Variants in STOX2 observed in about 807,000 individuals in gnomAD.
STOX2 encodes storkhead box 2.
In STOX2, 28 loss-of-function variants were observed where a neutral mutation model predicts 60.9. The ratio of observed to expected loss-of-function variants is 0.46; its 90% CI spans 0.34 to 0.63. The LOEUF is 0.63. STOX2 is among the 30% of genes least tolerant of loss of function. The pLI, the probability that STOX2 is intolerant of heterozygous loss-of-function variation, is 0.01. For missense variants in STOX2, 1,024 were observed against 1,187.7 expected, an observed-to-expected ratio of 0.86 and a Z score of 2.03; for synonymous variants, 472 against 463.9, an observed-to-expected ratio of 1.02 and a Z score of -0.22.
At position 183,971,174 on chromosome 4, in the gene STOX2, C is replaced by A. The variant is rs568294347; in HGVS notation, c.167-30151C>A. 2.6e-5 allele frequency among the ~76,000 whole-genome samples: 4 copies of A among 152,234 alleles called. No homozygotes were observed. The East Asian group carries it at 7.7e-4, about 29-fold the overall frequency. On this transcript the variant is annotated intron_variant, in intron 1 of 3. Transcript: ENST00000308497. ...TTGAGTGATACTCGTCTAAGGACCACAAATACCAACAGTTTGAAGTAAAAG... is the reference window on the plus strand; with the variant it reads ...TTGAGTGATACTCGTCTAAGGACCAAAAATACCAACAGTTTGAAGTAAAAG...
At chr4:183,972,680 A>T (rs1476261389) in intron 1 of STOX2, among the ~76,000 whole-genome samples, 1 of 152,192 alleles carries the variant, frequency 6.6e-6, no homozygotes, top group Non-Finnish European at 1.5e-5. Flanking sequence ...TTAAAAAAAA[A>T]TTCAACATTG....
intron 1 of STOX2, among the ~76,000 whole-genome samples, chr4:183,948,242 A>AT (rs1742958949): frequency 6.7e-6 from 1 of 150,316 alleles, no homozygotes; most frequent in African/African-American, 2.5e-5. Flanking sequence ...AAAAAAAAAA[A>AT]AACACGAAAA....
At chr4:183,938,150 A>G (rs1300884391) in intron 1 of STOX2, among the ~76,000 whole-genome samples, 2 of 152,188 alleles carry the variant, frequency 1.3e-5, no homozygotes, top group Admixed American at 6.5e-5. Flanking sequence ...CCCTGTCTCA[A>G]GAAACAAAAC....
At chr4:183,833,121 C>G (rs2111122650) in intron 1 of STOX2, among the ~76,000 whole-genome samples, 2 of 152,332 alleles carry the variant, frequency 1.3e-5, no homozygotes, top group South Asian at 4.1e-4. Context: ...AACATTGATA[C>G]ACTCAGTTCT....
intron 1 of STOX2, among the ~76,000 whole-genome samples, chr4:183,861,749 T>C (rs1284408532): frequency 6.6e-6 from 1 of 152,226 alleles, no homozygotes; most frequent in Non-Finnish European, 1.5e-5. Context: ...TTGTGGGTCC[T>C]CAAAAATAGT....
rs1461283630 is a variant in STOX2, at chr4:183,836,278, T to G, written c.364+38223T>G. ...TGGAGATTGCTTTATCCTCTGAGGT[T>G]GCACCGCAGATCCTCTTCTGCAAGT... On this transcript the variant is annotated intron_variant, in intron 1 of 2. Coordinates refer to the STOX2 transcript ENST00000513034. This position sits in a 1 kb window ranked among gnomAD's most constrained non-coding sequence, Gnocchi z 4.1. Among the ~76,000 whole-genome samples the G allele has an allele frequency of 2.6e-5, 4 of 152,204 alleles. No homozygotes were observed. In the East Asian group the frequency reaches 7.7e-4, roughly 29 times the overall value.
chr4:183,972,911 T>C (rs1743784930), intron 1 of STOX2, among the ~76,000 whole-genome samples: 1 of 152,062 alleles, frequency 6.6e-6, no homozygotes, highest in Non-Finnish European at 1.5e-5. Flanking sequence ...AATGCAGAAG[T>C]GAGTGGTAAT....
At chr4:183,954,204 G>A (rs1365341471) in intron 1 of STOX2, among the ~76,000 whole-genome samples, 2 of 152,206 alleles carry the variant, frequency 1.3e-5, no homozygotes, top group Admixed American at 6.5e-5. Context: ...AGGGCCCGTG[G>A]GAGGAACTCA....
chr4:183,820,440 C>G (rs1269092349), intron 1 of STOX2, among the ~76,000 whole-genome samples: 1 of 152,142 alleles, frequency 6.6e-6, no homozygotes, highest in Non-Finnish European at 1.5e-5. Context: ...GCCAGGAGCT[C>G]TGGATTTGAA....
intron 1 of STOX2, among the ~76,000 whole-genome samples, chr4:183,849,885 T>G (rs1740074943): frequency 6.6e-6 from 1 of 152,240 alleles, no homozygotes; most frequent in Admixed American, 6.5e-5. Context: ...AATTTCTGGT[T>G]GATTCTTCTT....
At chr4:183,948,949 A>T (rs4861593) in intron 1 of STOX2, among the ~76,000 whole-genome samples, 134,113 of 152,196 alleles carry the variant, frequency 0.88, 61,154 homozygotes, top group East Asian at 1. Flanking sequence ...CAAATCTTAG[A>T]TCTTTCTTTC....
chr4:183,871,911 T>A (rs1238062651), intron 1 of STOX2, among the ~76,000 whole-genome samples: 1 of 152,172 alleles, frequency 6.6e-6, no homozygotes, highest in Non-Finnish European at 1.5e-5. Context: ...GAGGATCTTA[T>A]GTATCCAACT....
chr4:183,931,607 G>A (rs989822081), intron 1 of STOX2, among the ~76,000 whole-genome samples: 1 of 152,192 alleles, frequency 6.6e-6, no homozygotes, highest in Non-Finnish European at 1.5e-5. Context: ...GAAAGAAAGG[G>A]ACTGAAAGGA....
intron 1 of STOX2, among the ~76,000 whole-genome samples, chr4:183,951,151 C>G (rs1308479408): frequency 1.1e-4 from 16 of 149,512 alleles, no homozygotes; most frequent in African/African-American, 3.0e-4. Flanking sequence ...GGAGGTGGAG[C>G]TTGCAGTGAG....
chr4:183,898,136 G>A (rs1741378005), intron 1 of STOX2, among the ~76,000 whole-genome samples: 1 of 151,734 alleles, frequency 6.6e-6, no homozygotes, highest in African/African-American at 2.4e-5. Context: ...TGTATCTTTG[G>A]CAGGTGACAC....
intron 1 of STOX2, among the ~76,000 whole-genome samples, chr4:183,986,398 C>T (rs1008553793): frequency 6.6e-6 from 1 of 152,176 alleles, no homozygotes; most frequent in East Asian, 1.9e-4. Flanking sequence ...GGGGAGGACT[C>T]AGCAGGAGGA....
intron 1 of STOX2, among the ~76,000 whole-genome samples, chr4:183,859,356 C>T (rs35142524): frequency 0.01 from 1,540 of 152,330 alleles, 75 homozygotes; most frequent in Admixed American, 0.081. Flanking sequence ...GGCAAGATCA[C>T]GACGCTGGGG....
intron 1 of STOX2, among the ~76,000 whole-genome samples, chr4:183,831,855 T>C (rs1182275185): frequency 1.3e-5 from 2 of 152,158 alleles, no homozygotes; most frequent in Non-Finnish European, 2.9e-5. Context: ...TTTCCGAGGC[T>C]TTGTACTTCC....
At position 184,017,147 on chromosome 4, in the gene STOX2, A is replaced by G. The variant is rs1249267959; in HGVS notation, c.2644A>G (p.Asn882Asp). Residue 882 changes from asparagine (N) to aspartate (D), a missense_variant, in exon 4 of 4, where the codon AAC becomes GAC. By Grantham distance (23) the Asn-to-Asp change is conservative. Around this residue, in one of 3 missense-constraint regions of STOX2, gnomAD observed 922 missense variants for 1,058.3 expected, o/e 0.87. Transcript: ENST00000308497. ...SSIVESNRRQ[N>D]PALSPAHGGA... is the part of the protein sequence containing the mutation. ...CATTGTTGAAAGTAACCGTCGTCAGAACCCCGCTTTGAGCCCGGCCCATGG... is the reference window on the plus strand; with the variant it reads ...CATTGTTGAAAGTAACCGTCGTCAGGACCCCGCTTTGAGCCCGGCCCATGG... The G allele has an allele frequency of 6.2e-7, 1 of 1,613,934 alleles. No homozygotes were observed. Among genetic ancestry groups the G allele is most frequent in the East Asian group, 2.2e-5 (1 of 44,880 alleles).
Sources: gnomAD v4.1 joint callset for allele counts (sites outside exome capture counted in the v4.1 genomes callset) on GRCh38, gnomAD v4.1.1 for gene constraint, gnomAD v4.1.1 regional missense constraint, Gnocchi (gnomAD v3.1) non-coding constraint, MANE v1.5 for transcripts, NCBI Gene and HGNC (gene_info 2026-07-23, HGNC 2026-07-21) for gene names.